Variants in MORC3 observed in about 807,000 individuals in gnomAD.
MORC3 encodes the protein MORC family CW-type zinc finger 3.
In MORC3, 31 loss-of-function variants were observed where a neutral mutation model predicts 109.1. The ratio of observed to expected loss-of-function variants is 0.28; its 90% CI spans 0.21 to 0.38. The LOEUF (loss-of-function observed/expected upper bound fraction) is 0.38, where lower values mean the gene tolerates loss of function less well. MORC3 is among the 10% of genes least tolerant of loss of function. The probability of loss-of-function intolerance (pLI) is 1.00; values close to 1 mark genes in which losing one functional copy is unlikely to be tolerated. For synonymous variants in MORC3, 395 were observed against 380.7 expected (o/e 1.04, Z -0.44); for missense variants, 867 against 1,135.8 (o/e 0.76, Z 3.40).
Position 36,356,692 on chromosome 21 carries a change from A to C in MORC3, c.1176A>C (p.Glu392Asp). The C allele has an allele frequency of 6.3e-7, 1 of 1,599,656 alleles. No homozygotes were observed. Among genetic ancestry groups the C allele is most frequent in the Non-Finnish European group, 8.5e-7 (1 of 1,173,498 alleles). ...WNEMKVKKNT[E>D]YPLNLPVEDI... The stretch of plus-strand genomic sequence containing the variant: ...AAATGAAAGTGAAGAAAAATACAGA[A>C]TATCCTCTAAATTTGCCAGTTGAAG... The change falls in exon 10 of 17, where the codon GAA becomes GAC. Residue 392 changes from glutamate (E) to aspartate (D), a missense_variant. Transcript: ENST00000400485.
In MORC3 at chr21:36,372,937, A is replaced by G. The variant is rs912306555; in HGVS notation, c.2666+406A>G. ...TTGTCGTACTTGGTACCATGTCTTTATGGCTTGCTGTCCTTATTTCACTGT... is the reference window on the plus strand; with the variant it reads ...TTGTCGTACTTGGTACCATGTCTTTGTGGCTTGCTGTCCTTATTTCACTGT... On this transcript the variant is annotated intron_variant, in intron 16 of 16. Coordinates refer to ENST00000400485, the MANE Select transcript of MORC3 (RefSeq NM_015358.3). Among the ~76,000 whole-genome samples the G allele has an allele frequency of 2.0e-5, 3 of 152,200 alleles. 1 individual carries two copies. The highest frequency in any genetic ancestry group is 4.4e-5 in the Non-Finnish European group (3 of 68,032).
At chr21:36,359,218 A>C (rs141649215) in intron 10 of MORC3, among the ~76,000 whole-genome samples, 13 of 152,220 alleles carry the variant, frequency 8.5e-5, no homozygotes, top group Non-Finnish European at 1.8e-4. Context: ...ATTAAGTTAT[A>C]GAAAAAATTT....
intron 14 of MORC3, among the ~76,000 whole-genome samples, chr21:36,365,504 C>T (rs1350814694): frequency 6.6e-6 from 1 of 152,036 alleles, no homozygotes; most frequent in Non-Finnish European, 1.5e-5. Flanking sequence ...TTTTTGACCC[C>T]AAGGAAGATT....
intron 4 of MORC3, 22 bp from the exon 5 acceptor site, chr21:36,338,752 G>T: frequency 1.3e-6 from 2 of 1,578,744 alleles, no homozygotes; most frequent in Non-Finnish European, 1.7e-6. Flanking sequence ...TTGTCAATCT[G>T]AGTCTTTAAC....
intron 12 of MORC3, among the ~76,000 whole-genome samples, chr21:36,361,410 G>T (rs999557117): frequency 6.6e-6 from 1 of 151,070 alleles, no homozygotes; most frequent in Non-Finnish European, 1.5e-5. Context: ...TGGGTGTGGT[G>T]GTGCATGCTG....
rs546512489 is a variant in MORC3 at position 36,339,142 on chromosome 21, G to A, written c.608+221G>A. The A allele has an allele frequency of 1.1e-3, 429 of 376,448 alleles. 1 individual carries two copies. The highest frequency in any genetic ancestry group is 4.4e-3 in the Admixed American group (98 of 22,186). 23.3% of individuals were successfully genotyped at this position (376,448 alleles called of 1,614,324 possible). Reference sequence around the variant, plus strand: ...GTTAAAAAAAATTTTTTTTTGAGACGAAGTCTCACTCTTGTTCCCCAGGCT... The same window carrying A: ...GTTAAAAAAAATTTTTTTTTGAGACAAAGTCTCACTCTTGTTCCCCAGGCT... On this transcript the variant is annotated intron_variant, in intron 5 of 16. Transcript: ENST00000400485.
At chr21:36,374,194 A>G (rs752636153) in intron 16 of MORC3, among the ~76,000 whole-genome samples, 5 of 152,036 alleles carry the variant, frequency 3.3e-5, no homozygotes, top group African/African-American at 4.8e-5. Flanking sequence ...GGTTCAAGCA[A>G]TTCTCCTGCC....
intron 10 of MORC3, among the ~76,000 whole-genome samples, chr21:36,359,065 T>G (rs1005702014): frequency 1.3e-5 from 2 of 152,212 alleles, no homozygotes; most frequent in African/African-American, 2.4e-5. Flanking sequence ...AGGGCAAAAG[T>G]GTCTTATTTA....
chr21:36,354,012 A>C (rs1601529778), intron 9 of MORC3, among the ~76,000 whole-genome samples: 1 of 151,668 alleles, frequency 6.6e-6, no homozygotes, highest in South Asian at 2.1e-4. Flanking sequence ...TGGAGGTTGC[A>C]GTGAGCCTAA....
At position 36,356,685 on chromosome 21, in the gene MORC3, A is replaced by G. The variant is rs1277485495; in HGVS notation, c.1169A>G (p.Asn390Ser). ...TGGAATGAAATGAAAGTGAAGAAAA[A>G]TACAGAATATCCTCTAAATTTGCCA... ...DYWNEMKVKK[N>S]TEYPLNLPVE... is the part of the protein sequence containing the mutation. Residue 390 changes from asparagine to serine, a missense_variant, in exon 10 of 17, where the codon AAT (asparagine) becomes AGT (serine). Asn to Ser is a conservative substitution (Grantham distance 46). This residue lies in a region of MORC3 where 120 missense variants were observed against 259.7 expected (regional missense o/e 0.46). Transcript: ENST00000400485. The G allele has an allele frequency of 6.2e-7, 1 of 1,603,822 alleles. No homozygotes were observed.
At chr21:36,352,283 A>G (rs2085581216) in intron 9 of MORC3, among the ~76,000 whole-genome samples, 1 of 152,108 alleles carries the variant, frequency 6.6e-6, no homozygotes, top group South Asian at 2.1e-4. Flanking sequence ...AAGCTACATT[A>G]CTAATGGGGA....
intron 5 of MORC3, 127 bp from the exon 6 acceptor site, chr21:36,341,272 A>AC (rs2085442267): frequency 1.2e-6 from 1 of 835,472 alleles, no homozygotes; most frequent in Non-Finnish European, 1.8e-6. Context: ...TGCACCCCCA[A>AC]CCCCCCACTG....
intron 1 of MORC3, among the ~76,000 whole-genome samples, chr21:36,331,828 T>C (rs1183884459): frequency 6.6e-6 from 1 of 152,168 alleles, no homozygotes; most frequent in African/African-American, 2.4e-5. Flanking sequence ...TAAAGTTTTA[T>C]TGAGCAAAGA....
chr21:36,339,029 C>T (rs1277806640), intron 5 of MORC3, 108 bp downstream of exon 5: 17 of 1,287,122 alleles, frequency 1.3e-5, no homozygotes, highest in Non-Finnish European at 1.8e-5. Flanking sequence ...TGGAAAGGTA[C>T]TCATTTTTTG....
intron 9 of MORC3, among the ~76,000 whole-genome samples, chr21:36,351,656 A>G (rs945111899): frequency 6.6e-6 from 1 of 152,192 alleles, no homozygotes; most frequent in Admixed American, 6.6e-5. Context: ...TGTATGTACC[A>G]TAGTTTTTTT....
Position 36,360,062 on chromosome 21 carries a change from C to G in MORC3, c.1316C>G (p.Pro439Arg). 1.2e-6 allele frequency: 2 copies of G among 1,614,164 alleles called. No homozygotes were observed. The highest frequency in any genetic ancestry group is 1.7e-6 in the Non-Finnish European group (2 of 1,180,026). Reference sequence around the variant, plus strand: ...GAAAAATGGTATTGCTCCAATAACCCTGACCCACAGTTCAGGTACCATAGA... The same window carrying G: ...GAAAAATGGTATTGCTCCAATAACCGTGACCCACAGTTCAGGTACCATAGA... ...LPEKWYCSNN[P>R]DPQFRNCEVP... Residue 439 changes from proline (P) to arginine (R), a missense_variant, in exon 11 of 17, where the codon CCT becomes CGT. This residue lies in a region of MORC3 where 120 missense variants were observed against 259.7 expected (regional missense o/e 0.46). Coordinates refer to ENST00000400485, the MANE Select transcript of MORC3 (RefSeq NM_015358.3).
chr21:36,332,850 C>T (rs2085331648), intron 1 of MORC3, among the ~76,000 whole-genome samples: 3 of 149,210 alleles, frequency 2.0e-5, no homozygotes, highest in Non-Finnish European at 4.4e-5. Context: ...TGCAGTGGCA[C>T]GATCTTGGCT....
intron 14 of MORC3, 122 bp downstream of exon 14, chr21:36,364,381 G>A: frequency 9.1e-7 from 1 of 1,102,312 alleles, no homozygotes; most frequent in South Asian, 1.5e-5. Context: ...TAGGTTCCAT[G>A]AATGTGAAAA....
chr21:36,354,303 TTTTCTTTC>T (rs938017297), intron 9 of MORC3, among the ~76,000 whole-genome samples: 37 of 146,080 alleles, frequency 2.5e-4, no homozygotes, highest in African/African-American at 9.0e-4. Context: ...TCCATTTTTG[TTTTCTTTC>T]TTTCTTTCTT....
Sources: gnomAD v4.1 joint callset for allele counts (sites outside exome capture counted in the v4.1 genomes callset) on GRCh38, gnomAD v4.1.1 for gene constraint, gnomAD v4.1.1 regional missense constraint, MANE v1.5 for transcripts, NCBI Gene and HGNC (gene_info 2026-07-23, HGNC 2026-07-21) for gene names.